FERRY3: variants seen among roughly 807,000 people sequenced by gnomAD.
FERRY3 encodes protein C12orf4.
the FERRY3 span, among the ~76,000 whole-genome samples, chr12:4,498,530 G>A: frequency 6.6e-6 from 1 of 152,208 alleles, no homozygotes; most frequent in Non-Finnish European, 1.5e-5. Flanking sequence ...AGCTTTCATA[G>A]GATAGTACCA....
At chr12:4,495,369 A>T in the FERRY3 span, among the ~76,000 whole-genome samples, 1 of 152,142 alleles carries the variant, frequency 6.6e-6, no homozygotes, top group African/African-American at 2.4e-5. Context: ...TACTGTTTTA[A>T]TGAAGCACTC....
chr12:4,505,427 A>C, the FERRY3 span: 2 of 1,272,796 alleles, frequency 1.6e-6, no homozygotes, highest in Non-Finnish European at 2.3e-6. Flanking sequence ...AACATATGAG[A>C]ATATGTTACT....
At chr12:4,514,502 C>T in the FERRY3 span, among the ~76,000 whole-genome samples, 1 of 152,100 alleles carries the variant, frequency 6.6e-6, no homozygotes, top group Admixed American at 6.6e-5. Context: ...ACCCAAATGT[C>T]CAACAGTGAT....
At chr12:4,527,181 C>T in the FERRY3 span, among the ~76,000 whole-genome samples, 35 of 152,094 alleles carry the variant, frequency 2.3e-4, no homozygotes, top group Admixed American at 5.2e-4. Flanking sequence ...GTATCATTGC[C>T]ATTTTTAAAG....
the FERRY3 span, chr12:4,538,271 G>A: frequency 6.5e-6 from 1 of 152,696 alleles, no homozygotes; most frequent in Non-Finnish European, 1.5e-5. Context: ...CCAACAGAGC[G>A]GAGGCTCTGA....
chr12:4,537,016 G>A, the FERRY3 span, among the ~76,000 whole-genome samples: 1 of 152,072 alleles, frequency 6.6e-6, no homozygotes, highest in Non-Finnish European at 1.5e-5. Context: ...ATTGCTCTCA[G>A]GATAAAATGC....
the FERRY3 span, chr12:4,489,063 A>G: frequency 6.6e-6 from 1 of 152,638 alleles, no homozygotes; most frequent in Non-Finnish European, 1.5e-5. Flanking sequence ...TGATTGTCAC[A>G]ATGTTGATGA....
the FERRY3 span, among the ~76,000 whole-genome samples, chr12:4,510,830 G>A: frequency 5.4e-5 from 8 of 147,644 alleles, no homozygotes; most frequent in African/African-American, 1.8e-4. Context: ...GGAAGAAACT[G>A]CATCAACTAA....
the FERRY3 span, among the ~76,000 whole-genome samples, chr12:4,535,303 G>A: frequency 1.2e-4 from 18 of 152,316 alleles, no homozygotes; most frequent in Non-Finnish European, 2.1e-4. This position sits in a 1 kb window ranked among gnomAD's most constrained non-coding sequence, Gnocchi z 4.0. Context: ...CAGCAGAAAT[G>A]GGATGCAGCC....
the FERRY3 span, among the ~76,000 whole-genome samples, chr12:4,501,432 A>G: frequency 6.6e-6 from 1 of 152,138 alleles, no homozygotes; most frequent in African/African-American, 2.4e-5. Context: ...CGGGCTGCAT[A>G]GTGGGAGGTG....
the FERRY3 span, chr12:4,534,263 G>A: frequency 6.2e-7 from 1 of 1,611,806 alleles, no homozygotes; most frequent in South Asian, 1.1e-5. Context: ...ATCGCTGAGG[G>A]ATTCTTCTTC....
At chr12:4,505,532 C>A in the FERRY3 span, 1 of 613,428 alleles carries the variant, frequency 1.6e-6, no homozygotes, top group Non-Finnish European at 2.9e-6. Flanking sequence ...TGGATGATGT[C>A]ATTTAATTCT....
At chr12:4,529,939 G>A in the FERRY3 span, 1 of 1,613,376 alleles carries the variant, frequency 6.2e-7, no homozygotes, top group Non-Finnish European at 8.5e-7. Context: ...AAGTAATTAT[G>A]TTCCAAATTT....
the FERRY3 span, among the ~76,000 whole-genome samples, chr12:4,521,057 A>G: frequency 1.3e-5 from 2 of 152,164 alleles, no homozygotes; most frequent in Non-Finnish European, 2.9e-5. Flanking sequence ...AATCAGTTAA[A>G]AAAAAGAAAA....
chr12:4,518,124 T>C, the FERRY3 span: 4 of 1,611,528 alleles, frequency 2.5e-6, no homozygotes, highest in East Asian at 2.2e-5. Context: ...CAGAGAGATG[T>C]AGAATAAAGT....
the FERRY3 span, chr12:4,536,335 C>T: frequency 2.0e-6 from 1 of 508,048 alleles, no homozygotes; most frequent in Non-Finnish European, 3.2e-6. Flanking sequence ...GCCAATTATT[C>T]TAGTTTTTCC....
At chr12:4,520,709 T>C in the FERRY3 span, among the ~76,000 whole-genome samples, 12 of 152,244 alleles carry the variant, frequency 7.9e-5, no homozygotes, top group African/African-American at 2.9e-4. Flanking sequence ...AATCTTAGAA[T>C]CACCACTCAA....
At chr12:4,513,245 T>C in the FERRY3 span, among the ~76,000 whole-genome samples, 8 of 136,938 alleles carry the variant, frequency 5.8e-5, no homozygotes, top group African/African-American at 1.9e-4. Context: ...TAAAAGAGGA[T>C]ACAAACAAAT....
chr12:4,491,138 A>T, the FERRY3 span: 1 of 1,593,814 alleles, frequency 6.3e-7, no homozygotes, highest in Non-Finnish European at 8.6e-7. Context: ...TTTGGGAGGA[A>T]ATACAGGTGG....
Sources: gnomAD v4.1 joint callset for allele counts (sites outside exome capture counted in the v4.1 genomes callset) on GRCh38, gnomAD v4.1.1 for gene constraint, Gnocchi (gnomAD v3.1) non-coding constraint, MANE v1.5 for transcripts, NCBI Gene and HGNC (gene_info 2026-07-23, HGNC 2026-07-21) for gene names.